Variants in DNAH14 observed in about 807,000 individuals in gnomAD.
DNAH14 encodes the protein dynein axonemal heavy chain 14.
Under a neutral mutation model 520.9 loss-of-function variants are expected in DNAH14, and 478 were observed. The ratio of observed to expected loss-of-function variants is 0.92; its 90% CI spans 0.85 to 0.99. DNAH14 has a LOEUF of 0.99. Among genes scored for constraint, DNAH14 ranks in the 50% least tolerant of loss-of-function variants. DNAH14 has a pLI of 0.00. For synonymous variants in DNAH14, 1,581 were observed against 1,757.2 expected, an observed-to-expected ratio of 0.90 and a Z score of 2.51; for missense variants, 4,831 against 5,234.5, an observed-to-expected ratio of 0.92 and a Z score of 2.38.
chr1:225,114,293 G>T (rs1045029417), intron 23 of DNAH14, among the ~76,000 whole-genome samples: 1 of 152,056 alleles, frequency 6.6e-6, no homozygotes, highest in Admixed American at 6.6e-5. Context: ...AAGATCTAGG[G>T]CCTAGAATGG....
At position 225,083,303 on chromosome 1, in the gene DNAH14, T is replaced by G. The variant is rs183129053; in HGVS notation, c.3327+564T>G. Among the ~76,000 whole-genome samples the G allele has an allele frequency of 2.0e-3, 149 of 74,558 alleles. 1 individual carries two copies. Among genetic ancestry groups the G allele is most frequent in the African/African-American group, 4.0e-3 (138 of 34,198 alleles). 48.9% of individuals were successfully genotyped at this position (74,558 alleles called of 152,430 possible). ...GTCTAATGTTTCATGGCTGACAACA[T>G]ATAATGTAATCAAAACATATTTTAT... On this transcript the variant is annotated intron_variant, in intron 20 of 85. Coordinates refer to ENST00000682510, the MANE Select transcript of DNAH14 (RefSeq NM_001367479.1).
intron 27 of DNAH14, among the ~76,000 whole-genome samples, chr1:225,126,063 C>A (rs888115283): frequency 6.6e-6 from 1 of 152,118 alleles, no homozygotes; most frequent in African/African-American, 2.4e-5. Flanking sequence ...TGCTGTCTTA[C>A]ATGGGCATCA....
intron 11 of DNAH14, among the ~76,000 whole-genome samples, chr1:225,030,390 G>T (rs1056461489): frequency 1.3e-5 from 2 of 151,840 alleles, no homozygotes; most frequent in Non-Finnish European, 2.9e-5. Flanking sequence ...TTTTTATGAA[G>T]TTCAATTTAT....
rs1574341978 is a variant in DNAH14, at chr1:225,257,933, G to C, written c.6866-27G>C. ...GTGAATAGTACTTTCTAGGTCATTT[G>C]AAACTTTTTTTAAAATGTTAACTTA... On this transcript the variant is annotated intron_variant, in intron 44 of 85. Coordinates refer to ENST00000682510, the MANE Select transcript of DNAH14 (RefSeq NM_001367479.1). 10 of 1,497,714 alleles carry C rather than the reference G, an allele frequency of 6.7e-6. No homozygotes were observed. The Admixed American group carries it at 2.1e-4, about 32-fold the overall frequency. 92.8% of individuals were successfully genotyped at this position (1,497,714 alleles called of 1,614,324 possible). A position where few individuals can be genotyped will look rare whatever the true frequency, so the allele number is the denominator to read the frequency against.
Position 225,381,241 on chromosome 1 carries a change from A to G in DNAH14, c.12881-142A>G, listed in dbSNP as rs528562117. The G allele has an allele frequency of 8.8e-6, 7 of 799,470 alleles. No individual in the cohort carries two copies. In the African/African-American group the frequency reaches 1.1e-4, roughly 12 times the overall value. 49.5% of individuals were successfully genotyped at this position (799,470 alleles called of 1,614,324 possible). On this transcript the variant is annotated intron_variant, in intron 80 of 85. Coordinates refer to ENST00000682510, the MANE Select transcript of DNAH14 (RefSeq NM_001367479.1). ...GTCCCCATACCCTAAAATGTTTGCT[A>G]TCTGACCTTCTACAGAAAATGTTTA...
intron 10 of DNAH14, among the ~76,000 whole-genome samples, chr1:225,016,475 C>G (rs2065223691): frequency 6.6e-6 from 1 of 151,954 alleles, no homozygotes; most frequent in African/African-American, 2.4e-5. Context: ...TTTTAAAATT[C>G]TTTCTTTCTC....
At chr1:224,950,713 C>T (rs1361893451) in intron 1 of DNAH14, among the ~76,000 whole-genome samples, 1 of 152,176 alleles carries the variant, frequency 6.6e-6, no homozygotes, top group Non-Finnish European at 1.5e-5. Flanking sequence ...CAAATCTGAC[C>T]TGCCACCTGT....
rs541624599 is a variant in DNAH14, at chr1:225,326,850, T to A, written c.9723+2018T>A. Among the ~76,000 whole-genome samples the A allele has an allele frequency of 2.5e-4, 37 of 149,166 alleles. No homozygotes were observed. In the East Asian group the frequency reaches 2.9e-3, roughly 12 times the overall value. The stretch of plus-strand genomic sequence containing the variant: ...ATTTTTAGTCACTGAAAGTCCATTT[T>A]AAAAAAAAAACTTGAAAGCTTAAAC... On this transcript the variant is annotated intron_variant, in intron 64 of 85. Coordinates refer to ENST00000682510, the MANE Select transcript of DNAH14 (RefSeq NM_001367479.1).
At chr1:225,327,788 G>T (rs1604776) in intron 64 of DNAH14, among the ~76,000 whole-genome samples, 17,006 of 151,750 alleles carry the variant, frequency 0.11, 1,129 homozygotes, top group East Asian at 0.25. Flanking sequence ...CCAAAAGTTG[G>T]TTACTTGAAG....
intron 76 of DNAH14, among the ~76,000 whole-genome samples, chr1:225,367,352 G>A (rs1038789615): frequency 6.6e-6 from 1 of 152,264 alleles, no homozygotes; most frequent in African/African-American, 2.4e-5. Flanking sequence ...TGATGGTTCA[G>A]TTAGTGCTGA....
intron 41 of DNAH14, among the ~76,000 whole-genome samples, chr1:225,215,123 G>T (rs1264509867): frequency 6.6e-6 from 1 of 151,362 alleles, no homozygotes; most frequent in Non-Finnish European, 1.5e-5. Flanking sequence ...GTTCTCATTG[G>T]TTTCAAAGAA....
chr1:225,236,123 A>T (rs1038847059), intron 42 of DNAH14, among the ~76,000 whole-genome samples: 11 of 151,828 alleles, frequency 7.2e-5, no homozygotes, highest in African/African-American at 2.7e-4. Flanking sequence ...TTGTGATGGT[A>T]GTGTGTTGAG....
rs752007195 is a variant in DNAH14, at chr1:224,929,713, T to C, written c.-156T>C. ...GGCCAGGAGGCGTCGGAGCCTGGCG[T>C]GGTAGGGCTGTGCTGCGCGGTCCTT... On this transcript the variant is annotated 5_prime_UTR_variant, in exon 1 of 86. Transcript: ENST00000682510. 2.0e-5 allele frequency: 14 copies of C among 702,262 alleles called. No individual in the cohort carries two copies. In the Middle Eastern group the frequency reaches 1.6e-3, roughly 80 times the overall value. 43.5% of individuals were successfully genotyped at this position (702,262 alleles called of 1,614,324 possible). A position where few individuals can be genotyped will look rare whatever the true frequency, so the allele number is the denominator to read the frequency against.
chr1:224,963,638 A>T (rs1424079747), intron 4 of DNAH14, among the ~76,000 whole-genome samples: 1 of 152,064 alleles, frequency 6.6e-6, no homozygotes, highest in Non-Finnish European at 1.5e-5. Flanking sequence ...GATTTCTAGA[A>T]GGTATATATT....
chr1:225,333,635 G>A (rs534605265), intron 66 of DNAH14, 129 bp downstream of exon 66: 1 of 851,162 alleles, frequency 1.2e-6, no homozygotes, highest in South Asian at 1.9e-5. Flanking sequence ...TTTGTTAATA[G>A]TTTGTTGCAG....
At position 224,931,828 on chromosome 1, in the gene DNAH14, G is replaced by A. The variant is rs6689472; in HGVS notation, c.-34+1993G>A. Among the ~76,000 whole-genome samples, 764 of 152,002 alleles carry A rather than the reference G, an allele frequency of 5.0e-3. 6 individuals carry two copies. The highest frequency in any genetic ancestry group is 0.017 in the African/African-American group (721 of 41,470). ...GAATAATATTTCATTTTGTATATAT[G>A]TACCACATTTTTTATCCATTCATCC... On this transcript the variant is annotated intron_variant, in intron 1 of 85. Transcript: ENST00000682510.
chr1:225,260,347 A>C (rs1221824473), intron 46 of DNAH14, among the ~76,000 whole-genome samples: 1 of 146,516 alleles, frequency 6.8e-6, no homozygotes, highest in African/African-American at 2.6e-5. Context: ...GCAAGACTCC[A>C]TCTCAAAAAA....
chr1:224,935,218 A>G (rs998063576), intron 1 of DNAH14, among the ~76,000 whole-genome samples: 1 of 151,970 alleles, frequency 6.6e-6, no homozygotes, highest in Non-Finnish European at 1.5e-5. Flanking sequence ...AATTCACAAT[A>G]TGACAGGAAC....
At chr1:224,994,037 GA>G (rs915670736) in intron 8 of DNAH14, among the ~76,000 whole-genome samples, 1 of 151,994 alleles carries the variant, frequency 6.6e-6, no homozygotes, top group Admixed American at 6.6e-5. Flanking sequence ...ACAGTAGTTA[GA>G]AAAAATAATT....
Sources: gnomAD v4.1 joint callset for allele counts (sites outside exome capture counted in the v4.1 genomes callset) on GRCh38, gnomAD v4.1.1 for gene constraint, MANE v1.5 for transcripts, NCBI Gene and HGNC (gene_info 2026-07-23, HGNC 2026-07-21) for gene names.